The following LRP1B variants were observed in gnomAD, a reference collection of about 807,000 sequenced individuals.
LRP1B encodes the protein low-density lipoprotein receptor-related protein 1B.
A neutral mutation model predicts 556.6 loss-of-function variants in LRP1B; 217 were observed. The ratio of observed to expected loss-of-function variants is 0.39; its 90% CI spans 0.35 to 0.44. LRP1B has a LOEUF of 0.44. Among genes scored for constraint, LRP1B ranks in the 20% least tolerant of loss-of-function variants. LRP1B has a pLI of 1.00. For missense variants in LRP1B, 5,053 were observed against 5,620.8 expected (o/e 0.90, Z 3.23); for synonymous variants, 2,047 against 1,865.8 (o/e 1.10, Z -2.50).
chr2:140,525,280 A>G (rs2104964981), intron 49 of LRP1B, among the ~76,000 whole-genome samples: 1 of 151,930 alleles, frequency 6.6e-6, no homozygotes, highest in South Asian at 2.1e-4. Flanking sequence ...AGAAACAGTC[A>G]AGAACTTTGC....
intron 5 of LRP1B, among the ~76,000 whole-genome samples, chr2:141,238,402 A>C (rs1452909816): frequency 6.6e-6 from 1 of 152,142 alleles, no homozygotes; most frequent in Non-Finnish European, 1.5e-5. Flanking sequence ...TTCAGTTTGA[A>C]AACACGGGTC....
chr2:140,579,309 C>A (rs1367036054), intron 43 of LRP1B, among the ~76,000 whole-genome samples: 1 of 152,046 alleles, frequency 6.6e-6, no homozygotes, highest in East Asian at 1.9e-4. Context: ...AAAATTAGAT[C>A]AGTAGCTTTT....
chr2:141,447,718 G>T (rs1318974289), intron 3 of LRP1B, among the ~76,000 whole-genome samples: 1 of 152,194 alleles, frequency 6.6e-6, no homozygotes, highest in African/African-American at 2.4e-5. Flanking sequence ...TCCAGACCCT[G>T]TTTGCCTGGT....
At chr2:140,926,535 G>A (rs990647380) in intron 20 of LRP1B, among the ~76,000 whole-genome samples, 6 of 151,980 alleles carry the variant, frequency 3.9e-5, no homozygotes, top group African/African-American at 1.2e-4. Flanking sequence ...TACATACAGG[G>A]TCTTACTTTG....
intron 35 of LRP1B, among the ~76,000 whole-genome samples, chr2:140,768,400 G>T (rs147819654): frequency 6.6e-6 from 1 of 151,786 alleles, no homozygotes; most frequent in East Asian, 1.9e-4. Context: ...TAAAAACACC[G>T]TGGAAATGCA....
rs560344061 is a variant in LRP1B, at chr2:141,833,836, T to C, written c.83-23435A>G. ...GGGCACCCTTCCTTTCTTTCAAGGG[T>C]AGAAAAAGGCAAAATGAGAAAAGGA... is the stretch of plus-strand genomic sequence containing the variant. On this transcript the variant is annotated intron_variant, in intron 1 of 90. Transcript: ENST00000389484. 1.1e-3 allele frequency among the ~76,000 whole-genome samples: 158 copies of C among 146,758 alleles called. 1 individual carries two copies. The highest frequency in any genetic ancestry group is 4.2e-3 in the African/African-American group (154 of 36,808).
chr2:141,834,481 T>G (rs1319404439), intron 1 of LRP1B, among the ~76,000 whole-genome samples: 1 of 151,878 alleles, frequency 6.6e-6, no homozygotes, highest in Non-Finnish European at 1.5e-5. Flanking sequence ...AATGAAGCTG[T>G]TTCTGGTGCA....
intron 3 of LRP1B, among the ~76,000 whole-genome samples, chr2:141,298,864 G>C (rs1401324662): frequency 6.7e-6 from 1 of 149,352 alleles, no homozygotes; most frequent in Non-Finnish European, 1.5e-5. Context: ...TGAAGCAGGA[G>C]AATCTCTTGA....
intron 35 of LRP1B, among the ~76,000 whole-genome samples, chr2:140,743,324 A>G (rs1042897309): frequency 1.3e-5 from 2 of 152,204 alleles, no homozygotes; most frequent in African/African-American, 4.8e-5. Flanking sequence ...TGGAGTAAAA[A>G]ATGCAGATTC....
At chr2:141,821,269 T>C (rs2105729921) in intron 1 of LRP1B, among the ~76,000 whole-genome samples, 1 of 152,312 alleles carries the variant, frequency 6.6e-6, no homozygotes, top group East Asian at 1.9e-4. Context: ...AAAGAGAGAC[T>C]AAAACAATTT....
chr2:141,388,198 G>A (rs2104899898), intron 3 of LRP1B, among the ~76,000 whole-genome samples: 1 of 152,238 alleles, frequency 6.6e-6, no homozygotes. Flanking sequence ...CACTTTGGGA[G>A]GCCAAGACAG....
chr2:142,055,758 G>A (rs1339738932), intron 1 of LRP1B, among the ~76,000 whole-genome samples: 1 of 152,186 alleles, frequency 6.6e-6, no homozygotes, highest in African/African-American at 2.4e-5. Context: ...ATACCTGCCT[G>A]TGGTTTGCTG....
intron 3 of LRP1B, among the ~76,000 whole-genome samples, chr2:141,424,270 C>G (rs529317712): frequency 6.6e-6 from 1 of 152,072 alleles, no homozygotes; most frequent in African/African-American, 2.4e-5. Context: ...TGCGCCACCA[C>G]GCCCAGCTAA....
intron 3 of LRP1B, among the ~76,000 whole-genome samples, chr2:141,338,676 T>C (rs1687937803): frequency 6.6e-6 from 1 of 152,196 alleles, no homozygotes; most frequent in African/African-American, 2.4e-5. Context: ...GTTTTTATCT[T>C]CCTCATTTCT....
chr2:141,504,986 C>T (rs12691613), intron 2 of LRP1B, among the ~76,000 whole-genome samples: 148,218 of 152,144 alleles, frequency 0.97, 72,310 homozygotes, highest in East Asian at 1. Flanking sequence ...GAAAGTTTTA[C>T]TGGACAGTGT....
At chr2:141,511,799 A>C (rs1574030425) in intron 2 of LRP1B, among the ~76,000 whole-genome samples, 1 of 152,122 alleles carries the variant, frequency 6.6e-6, no homozygotes, top group Non-Finnish European at 1.5e-5. Context: ...CTTTAACTCT[A>C]TTTGTGTTTC....
At chr2:141,177,279 A>AG (rs1346468205) in intron 7 of LRP1B, among the ~76,000 whole-genome samples, 1 of 152,134 alleles carries the variant, frequency 6.6e-6, no homozygotes. Flanking sequence ...AATTTTAGGT[A>AG]GAAAAAAATA....
At position 141,153,175 on chromosome 2, in the gene LRP1B, G is replaced by C. The variant is rs1016711967; in HGVS notation, c.1013+35246C>G. 1.0e-3 allele frequency among the ~76,000 whole-genome samples: 143 copies of C among 141,706 alleles called. 2 individuals are homozygous for C. Among genetic ancestry groups the C allele is most frequent in the Non-Finnish European group, 3.9e-4 (26 of 66,070 alleles). 93.0% of individuals were successfully genotyped at this position (141,706 alleles called of 152,430 possible). On this transcript the variant is annotated intron_variant, in intron 7 of 90. Coordinates refer to ENST00000389484, the MANE Select transcript of LRP1B (RefSeq NM_018557.3). ...TACCAAACATTTCAGTGATTTCTTT[G>C]TATATTTGTTTCCTACCAGGATGTA...
chr2:141,433,554 TG>T (rs746912360), intron 3 of LRP1B, among the ~76,000 whole-genome samples: 9 of 152,108 alleles, frequency 5.9e-5, no homozygotes, highest in Non-Finnish European at 1.3e-4. Context: ...CTAAGTTGTT[TG>T]TTGATAGATT....
Sources: allele counts gnomAD v4.1 joint callset (sites outside exome capture counted in the v4.1 genomes callset), GRCh38; gene constraint gnomAD v4.1.1; transcripts MANE v1.5; gene names NCBI Gene and HGNC (gene_info 2026-07-23, HGNC 2026-07-21).